The following PTPRK variants were observed in gnomAD, a reference collection of about 807,000 sequenced individuals.
The protein encoded by PTPRK is protein tyrosine phosphatase receptor type K, also known as receptor-type tyrosine-protein phosphatase kappa.
PTPRK carries 75 observed loss-of-function variants against 178.0 expected under a neutral mutation model. That is an observed-to-expected ratio of 0.42 (90% CI 0.35 to 0.51). The LOEUF is 0.51. Ranked by LOEUF, PTPRK falls within the 20% of genes least tolerant of loss-of-function variation. The pLI is 0.02. For synonymous variants in PTPRK, 637 were observed against 620.6 expected (o/e 1.03, Z -0.39); for missense variants, 1,441 against 1,797.8 (o/e 0.80, Z 3.59).
chr6:127,989,874 C>T (rs1052221841), intron 21 of PTPRK, among the ~76,000 whole-genome samples: 4 of 151,470 alleles, frequency 2.6e-5, no homozygotes, highest in South Asian at 4.2e-4. Flanking sequence ...AATAAACAAT[C>T]GCAAGGTTCT....
At chr6:128,277,761 TC>T (rs967496006) in intron 3 of PTPRK, among the ~76,000 whole-genome samples, 4 of 152,296 alleles carry the variant, frequency 2.6e-5, no homozygotes, top group African/African-American at 9.6e-5. Flanking sequence ...TTGAATTAAT[TC>T]TAGTCTTCTA....
chr6:128,382,462 C>A (rs549400720), intron 2 of PTPRK, among the ~76,000 whole-genome samples: 222 of 146,516 alleles, frequency 1.5e-3, no homozygotes, highest in African/African-American at 4.9e-3. Context: ...GGCTGGAGTG[C>A]AGTGGTGTGA....
intron 6 of PTPRK, among the ~76,000 whole-genome samples, chr6:128,187,926 C>A (rs966364604): frequency 2.6e-5 from 4 of 152,094 alleles, no homozygotes; most frequent in African/African-American, 9.7e-5. Context: ...TTTTCAGGCC[C>A]TTGATAACAA....
At chr6:128,082,674 T>C in intron 9 of PTPRK, 36 bp from the exon 10 acceptor site, 1 of 1,464,196 alleles carries the variant, frequency 6.8e-7, no homozygotes, top group Non-Finnish European at 9.4e-7. Flanking sequence ...ATATCTAGTA[T>C]CCATCATAAG....
chr6:128,268,772 A>T (rs764816058), intron 3 of PTPRK, among the ~76,000 whole-genome samples: 6 of 152,062 alleles, frequency 3.9e-5, no homozygotes, highest in Non-Finnish European at 8.8e-5. Flanking sequence ...CTTTAAATAT[A>T]GCCATCTAAA....
chr6:128,047,492 C>T (rs1297047407), intron 13 of PTPRK, among the ~76,000 whole-genome samples: 1 of 152,064 alleles, frequency 6.6e-6, no homozygotes, highest in African/African-American at 2.4e-5. Context: ...CTTTCCATGG[C>T]TTCTAGGGAT....
At chr6:128,108,050 C>A (rs1790003954) in intron 7 of PTPRK, among the ~76,000 whole-genome samples, 1 of 148,618 alleles carries the variant, frequency 6.7e-6, no homozygotes, top group African/African-American at 2.5e-5. Flanking sequence ...CAAAAACAAA[C>A]CAAATCCCTA....
intron 7 of PTPRK, among the ~76,000 whole-genome samples, chr6:128,143,899 C>T (rs911917276): frequency 6.6e-5 from 10 of 152,286 alleles, no homozygotes; most frequent in Non-Finnish European, 1.0e-4. Flanking sequence ...CAATGACAAA[C>T]GTATAACTAT....
chr6:128,383,516 CCT>C (rs1407871720), intron 2 of PTPRK, among the ~76,000 whole-genome samples: 1 of 152,110 alleles, frequency 6.6e-6, no homozygotes, highest in African/African-American at 2.4e-5. Context: ...AAAATATTCC[CCT>C]TTTTCCTTTG....
chr6:128,264,086 C>T (rs1029378598), intron 3 of PTPRK, among the ~76,000 whole-genome samples: 1 of 152,072 alleles, frequency 6.6e-6, no homozygotes, highest in Admixed American at 6.6e-5. Context: ...GGCAGCAAAG[C>T]TAAAACATGA....
chr6:128,102,652 G>A lies in PTPRK; in HGVS notation c.1163-12660C>T, dbSNP rs1378655450. 2.0e-5 allele frequency among the ~76,000 whole-genome samples: 3 copies of A among 152,160 alleles called. No homozygotes were observed. The East Asian group carries it at 5.8e-4, about 29-fold the overall frequency. ...GTGGAAGAAAGTGTGCATGGGGAAG[G>A]AAAATACTTTTGAATGTTAATCTCC... On this transcript the variant is annotated intron_variant, in intron 7 of 29. Coordinates refer to ENST00000368226, the MANE Select transcript of PTPRK (RefSeq NM_002844.4).
chr6:128,126,222 C>G (rs377422002), intron 7 of PTPRK, among the ~76,000 whole-genome samples: 8 of 152,202 alleles, frequency 5.3e-5, no homozygotes, highest in African/African-American at 1.9e-4. Flanking sequence ...TCCCTTGCCC[C>G]CAACTCTCTG....
intron 3 of PTPRK, among the ~76,000 whole-genome samples, chr6:128,319,036 T>C (rs576550594): frequency 6.6e-6 from 1 of 152,280 alleles, no homozygotes; most frequent in South Asian, 2.1e-4. Context: ...AAACAGTTTG[T>C]TCCTTATATG....
chr6:128,220,527 C>G (rs901561725), intron 5 of PTPRK, among the ~76,000 whole-genome samples: 5 of 152,132 alleles, frequency 3.3e-5, no homozygotes, highest in African/African-American at 1.2e-4. Flanking sequence ...ATATGGGAAA[C>G]AAAAATGATA....
chr6:128,141,997 A>G (rs1795835388), intron 7 of PTPRK, among the ~76,000 whole-genome samples: 1 of 151,994 alleles, frequency 6.6e-6, no homozygotes, highest in African/African-American at 2.4e-5. Flanking sequence ...TCTGATAATC[A>G]ACAACCAGCT....
intron 7 of PTPRK, among the ~76,000 whole-genome samples, chr6:128,176,381 CAT>C (rs1226353181): frequency 2.0e-5 from 3 of 151,866 alleles, no homozygotes; most frequent in African/African-American, 7.2e-5. Context: ...GAAATAATAA[CAT>C]AGCCAAAGAA....
At chr6:128,014,679 A>C (rs1305357276) in intron 13 of PTPRK, among the ~76,000 whole-genome samples, 9 of 151,628 alleles carry the variant, frequency 5.9e-5, no homozygotes, top group Non-Finnish European at 7.4e-5. Flanking sequence ...AGCTTTTAAA[A>C]AATCTTAGCT....
intron 2 of PTPRK, among the ~76,000 whole-genome samples, chr6:128,348,741 T>C (rs1181142790): frequency 2.0e-5 from 3 of 152,072 alleles, no homozygotes; most frequent in Non-Finnish European, 4.4e-5. Context: ...TTTTAGCTAT[T>C]TCTTTAATAA....
chr6:128,179,767 T>C (rs1487543838), intron 7 of PTPRK, among the ~76,000 whole-genome samples: 1 of 152,012 alleles, frequency 6.6e-6, no homozygotes, highest in Admixed American at 6.6e-5. Flanking sequence ...TATGGTACCA[T>C]TTTGCTGATG....
Sources: allele counts gnomAD v4.1 joint callset (sites outside exome capture counted in the v4.1 genomes callset), GRCh38; gene constraint gnomAD v4.1.1; transcripts MANE v1.5; gene names NCBI Gene and HGNC (gene_info 2026-07-23, HGNC 2026-07-21).